Variants in MYT1L observed in about 807,000 individuals in gnomAD.
The protein encoded by MYT1L is myelin transcription factor 1-like protein.
In MYT1L, 12 loss-of-function variants were observed where a neutral mutation model predicts 126.7. That is an observed-to-expected ratio of 0.09 (90% CI 0.06 to 0.15). The LOEUF is 0.15. MYT1L is among the 10% of genes least tolerant of loss of function. The probability of loss-of-function intolerance (pLI) is 1.00; values close to 1 mark genes in which losing one functional copy is unlikely to be tolerated. For missense variants in MYT1L, 979 were observed against 1,585.2 expected, an observed-to-expected ratio of 0.62 and a Z score of 6.49; for synonymous variants, 541 against 604.2, an observed-to-expected ratio of 0.90 and a Z score of 1.53.
intron 2 of MYT1L, among the ~76,000 whole-genome samples, chr2:2,177,251 C>A (rs1158914665): frequency 1.3e-5 from 2 of 152,230 alleles, no homozygotes; most frequent in East Asian, 1.9e-4. Context: ...TTCCTGGTAT[C>A]TACCAAATAT....
At position 2,228,526 on chromosome 2, in the gene MYT1L, A is replaced by AT. The variant is rs780423800; in HGVS notation, c.-420-55539dup. 1.4e-4 allele frequency among the ~76,000 whole-genome samples: 22 copies of AT among 152,232 alleles called. No homozygotes were observed. The highest frequency in any genetic ancestry group is 7.9e-4 in the Admixed American group (12 of 15,274). ...CTTTAGAACTGGAAGAAAGTTTAGA[A>AT]TTTTTTTGCCAATCTTTTTGATTTT... On this transcript the variant is annotated intron_variant, in intron 2 of 24. Coordinates refer to ENST00000647738, the MANE Select transcript of MYT1L (RefSeq NM_001303052.2). The surrounding 1 kb of genome is among the most constrained non-coding windows in gnomAD (Gnocchi z 5.9).
chr2:1,821,427 G>C (rs1051011466), intron 21 of MYT1L, among the ~76,000 whole-genome samples: 1 of 151,766 alleles, frequency 6.6e-6, no homozygotes, highest in Admixed American at 6.6e-5. Flanking sequence ...TTTTAAAATA[G>C]ATATTCGTGT....
chr2:1,964,425 T>G (rs1019042340), intron 8 of MYT1L, among the ~76,000 whole-genome samples: 2 of 152,188 alleles, frequency 1.3e-5, no homozygotes, highest in African/African-American at 2.4e-5. Flanking sequence ...GATGGACTTG[T>G]ATGGTCAGGG....
rs1277899127 is a variant in MYT1L, at chr2:1,846,194, G to A, written c.2775-5351C>T. ...ATTGTGCAGGAATGCGTGAGAGTGC[G>A]CCAGGCTGGTTAGCTTTTATGTCTT... On this transcript the variant is annotated intron_variant, in intron 19 of 24. Transcript: ENST00000647738. Among the ~76,000 whole-genome samples, 9 of 152,306 alleles carry A rather than the reference G, an allele frequency of 5.9e-5. No homozygotes were observed. In the South Asian group the frequency reaches 1.2e-3, roughly 21 times the overall value.
chr2:2,106,590 C>G (rs920184999), intron 3 of MYT1L, among the ~76,000 whole-genome samples: 1 of 152,028 alleles, frequency 6.6e-6, no homozygotes, highest in African/African-American at 2.4e-5. Context: ...TGCACTCCAG[C>G]CTGGGCAACA....
At chr2:2,084,816 T>C (rs1301367332) in intron 3 of MYT1L, among the ~76,000 whole-genome samples, 3 of 152,226 alleles carry the variant, frequency 2.0e-5, no homozygotes, top group Admixed American at 6.5e-5. Context: ...TACAAGGATT[T>C]AATTGGGAAA....
chr2:2,095,564 G>A (rs2077360417), intron 3 of MYT1L, among the ~76,000 whole-genome samples: 1 of 151,706 alleles, frequency 6.6e-6, no homozygotes, highest in South Asian at 2.1e-4. Context: ...GTGGCCGCGG[G>A]GGGTCACTAC....
At chr2:2,001,396 T>A (rs2062384404) in intron 4 of MYT1L, among the ~76,000 whole-genome samples, 2 of 152,348 alleles carry the variant, frequency 1.3e-5, no homozygotes, top group South Asian at 4.1e-4. Context: ...ACATTTGCAT[T>A]TATTTTGGTC....
At chr2:1,792,869 C>CATAAAAAAA (rs1491339862) in intron 23 of MYT1L, among the ~76,000 whole-genome samples, 3 of 2,218 alleles carry the variant, frequency 1.4e-3, no homozygotes, top group Non-Finnish European at 3.8e-3. Flanking sequence ...GATTCCGTCT[C>CATAAAAAAA]ACAAAAAAAA....
intron 21 of MYT1L, among the ~76,000 whole-genome samples, chr2:1,814,811 C>T (rs2037371721): frequency 6.6e-6 from 1 of 152,050 alleles, no homozygotes; most frequent in Admixed American, 6.5e-5. Flanking sequence ...ACGAACAGCT[C>T]CTTAGTGGTG....
intron 4 of MYT1L, among the ~76,000 whole-genome samples, chr2:2,002,912 G>A (rs1377197889): frequency 1.3e-5 from 2 of 152,032 alleles, no homozygotes; most frequent in Non-Finnish European, 2.9e-5. Flanking sequence ...AAGGTGCCTT[G>A]CTCCTTCTTT....
chr2:1,899,784 T>G (rs1160107250), intron 14 of MYT1L, among the ~76,000 whole-genome samples: 1 of 152,230 alleles, frequency 6.6e-6, no homozygotes, highest in Non-Finnish European at 1.5e-5. Flanking sequence ...CAGCAGTGTG[T>G]GTTTCACTAT....
chr2:2,262,381 A>T (rs1258975202), intron 2 of MYT1L, among the ~76,000 whole-genome samples: 2 of 151,474 alleles, frequency 1.3e-5, no homozygotes, highest in Admixed American at 1.3e-4. Context: ...ACAAACAAAC[A>T]AACAACAACA....
chr2:2,034,214 T>C (rs1007020745), intron 4 of MYT1L, among the ~76,000 whole-genome samples: 10 of 152,186 alleles, frequency 6.6e-5, no homozygotes, highest in Non-Finnish European at 1.0e-4. Flanking sequence ...CTCAAAGTTA[T>C]GTCCAGCCGA....
intron 21 of MYT1L, among the ~76,000 whole-genome samples, chr2:1,826,370 G>A (rs1159189334): frequency 6.6e-6 from 1 of 152,196 alleles, no homozygotes; most frequent in Non-Finnish European, 1.5e-5. Context: ...GGGAGGGCTG[G>A]GGGGCGGGCG....
At chr2:2,151,710 C>G (rs2085820438) in intron 3 of MYT1L, among the ~76,000 whole-genome samples, 1 of 152,072 alleles carries the variant, frequency 6.6e-6, no homozygotes. Context: ...ATAAATTAGG[C>G]ACAGTAAAAG....
intron 21 of MYT1L, among the ~76,000 whole-genome samples, chr2:1,814,257 A>T (rs929773009): frequency 6.6e-6 from 1 of 151,456 alleles, no homozygotes; most frequent in African/African-American, 2.4e-5. Context: ...CATCCAACTG[A>T]CCTCCCAACT....
chr2:2,241,100 G>C (rs7609377), intron 2 of MYT1L, among the ~76,000 whole-genome samples: 85,917 of 151,994 alleles, frequency 0.57, 24,716 homozygotes, highest in East Asian at 0.82. Flanking sequence ...TGCTGTAATG[G>C]TACCAAGAAT....
rs183481278 is a variant in MYT1L at position 2,019,224 on chromosome 2, T to A, written c.-157-21877A>T. Among the ~76,000 whole-genome samples the A allele has an allele frequency of 1.3e-3, 198 of 152,240 alleles. 1 individual carries two copies. The highest frequency in any genetic ancestry group is 1.4e-3 in the Non-Finnish European group (94 of 68,006). On this transcript the variant is annotated intron_variant, in intron 4 of 24. Coordinates refer to ENST00000647738, the MANE Select transcript of MYT1L (RefSeq NM_001303052.2). Reference sequence around the variant, plus strand: ...AATCATGGCGGGCGAGTCTTTCCCATGCTGTTCTTGTGACAGTGAGTAAGT... The same window carrying A: ...AATCATGGCGGGCGAGTCTTTCCCAAGCTGTTCTTGTGACAGTGAGTAAGT...
Sources: allele counts gnomAD v4.1 joint callset (sites outside exome capture counted in the v4.1 genomes callset), GRCh38; gene constraint gnomAD v4.1.1; non-coding constraint Gnocchi (gnomAD v3.1); transcripts MANE v1.5; gene names NCBI Gene and HGNC (gene_info 2026-07-23, HGNC 2026-07-21).